Variants in MSI2 observed in about 807,000 individuals in gnomAD.
MSI2 encodes musashi RNA binding protein 2.
Under a neutral mutation model 45.6 loss-of-function variants are expected in MSI2, and 17 were observed. That is an observed-to-expected ratio of 0.37 (90% confidence interval 0.26 to 0.56). The LOEUF is 0.56. MSI2 is among the 20% of genes least tolerant of loss of function. The pLI is 0.77. For synonymous variants in MSI2, 156 were observed against 158.2 expected, an observed-to-expected ratio of 0.99 and a Z score of 0.11; for missense variants, 293 against 444.2, an observed-to-expected ratio of 0.66 and a Z score of 3.06.
chr17:57,408,848 T>C (rs2084134603), intron 6 of MSI2, among the ~76,000 whole-genome samples: 1 of 152,200 alleles, frequency 6.6e-6, no homozygotes, highest in African/African-American at 2.4e-5. Context: ...TCGAACTCTG[T>C]TGTTCGGTGG....
chr17:57,384,114 T>C (rs1346960736), intron 5 of MSI2, among the ~76,000 whole-genome samples: 1 of 152,216 alleles, frequency 6.6e-6, no homozygotes, highest in Admixed American at 6.5e-5. Flanking sequence ...TTCTGTGTTA[T>C]AGTTATTGTT....
At chr17:57,414,446 G>A (rs1159763478) in intron 6 of MSI2, among the ~76,000 whole-genome samples, 1 of 151,858 alleles carries the variant, frequency 6.6e-6, no homozygotes, top group Non-Finnish European at 1.5e-5. Context: ...CTGGAGTGCA[G>A]TGGTGCAATC....
At chr17:57,353,280 G>A (rs1474219703) in intron 5 of MSI2, among the ~76,000 whole-genome samples, 1 of 152,174 alleles carries the variant, frequency 6.6e-6, no homozygotes, top group Non-Finnish European at 1.5e-5. Context: ...TGTACCCACT[G>A]CTCCTGTTTA....
chr17:57,302,866 G>A (rs1431105863), intron 5 of MSI2, among the ~76,000 whole-genome samples: 1 of 152,236 alleles, frequency 6.6e-6, no homozygotes, highest in African/African-American at 2.4e-5. Context: ...CAGATCGTGG[G>A]CAAGGGAGTG....
chr17:57,675,456 T>C (rs4793891), intron 12 of MSI2, among the ~76,000 whole-genome samples: 36,631 of 152,110 alleles, frequency 0.24, 4,570 homozygotes, highest in East Asian at 0.46. Context: ...ATCTCTATGC[T>C]TTCCTCAAAA....
chr17:57,653,590 G>A (rs1037329107), intron 11 of MSI2, among the ~76,000 whole-genome samples: 5 of 152,136 alleles, frequency 3.3e-5, no homozygotes, highest in Non-Finnish European at 4.4e-5. Flanking sequence ...ACAAGCCTTG[G>A]CCCTACCTGT....
intron 5 of MSI2, among the ~76,000 whole-genome samples, chr17:57,345,539 A>T (rs1288949663): frequency 6.6e-6 from 1 of 152,210 alleles, no homozygotes; most frequent in Non-Finnish European, 1.5e-5. Flanking sequence ...TTAAAAATTA[A>T]CTAAAGTCCA....
intron 7 of MSI2, among the ~76,000 whole-genome samples, chr17:57,555,255 T>C (rs922830837): frequency 6.6e-6 from 1 of 152,198 alleles, no homozygotes; most frequent in African/African-American, 2.4e-5. Context: ...CGCCATGCTC[T>C]GTTTCAGACA....
chr17:57,370,253 G>A (rs961850696), intron 5 of MSI2, among the ~76,000 whole-genome samples: 7 of 152,184 alleles, frequency 4.6e-5, no homozygotes, highest in Middle Eastern at 3.2e-3. Context: ...TGCTGTTTGC[G>A]TTTTTAATCG....
At chr17:57,341,313 T>G (rs1194975167) in intron 5 of MSI2, among the ~76,000 whole-genome samples, 1 of 152,192 alleles carries the variant, frequency 6.6e-6, no homozygotes, top group Non-Finnish European at 1.5e-5. Flanking sequence ...AGAACTGGGA[T>G]GTGCCCTTCT....
chr17:57,367,067 G>C (rs1283320432), intron 5 of MSI2, among the ~76,000 whole-genome samples: 3 of 152,208 alleles, frequency 2.0e-5, no homozygotes, highest in African/African-American at 4.8e-5. Context: ...TTCCAAGCTC[G>C]AAAGTGTATA....
chr17:57,480,659 A>G (rs930578920), intron 6 of MSI2, among the ~76,000 whole-genome samples: 1 of 152,218 alleles, frequency 6.6e-6, no homozygotes, highest in Non-Finnish European at 1.5e-5. Context: ...GAGACGAGGC[A>G]CTATAAATAG....
At chr17:57,256,916 G>T (rs1447688322) in intron 1 of MSI2, 112 bp downstream of exon 1, 9 of 530,534 alleles carry the variant, frequency 1.7e-5, no homozygotes, top group Non-Finnish European at 2.4e-5. Context: ...CCTCTCCCGC[G>T]CGCCCCCCCC....
chr17:57,299,416 T>C (rs1407341916), intron 5 of MSI2, among the ~76,000 whole-genome samples: 2 of 152,202 alleles, frequency 1.3e-5, no homozygotes, highest in Non-Finnish European at 2.9e-5. Context: ...AGCTTTTGAT[T>C]TAAAGTGAGA....
chr17:57,517,766 G>A (rs79091654), intron 6 of MSI2, among the ~76,000 whole-genome samples: 4,169 of 152,232 alleles, frequency 0.027, 193 homozygotes, highest in African/African-American at 0.093. Flanking sequence ...CAGCTACTCC[G>A]TGACCTCTGG....
chr17:57,699,694 A>G, the MSI2 span, among the ~76,000 whole-genome samples: 1 of 152,212 alleles, frequency 6.6e-6, no homozygotes, highest in African/African-American at 2.4e-5. Context: ...GTCAAAAGCA[A>G]TAGTCCAAAT....
chr17:57,528,650 CCT>C (rs2086755185), intron 6 of MSI2, among the ~76,000 whole-genome samples: 1 of 152,134 alleles, frequency 6.6e-6, no homozygotes, highest in Non-Finnish European at 1.5e-5. Flanking sequence ...TCTTCTGAGG[CCT>C]CTCTCCTTGG....
the MSI2 span, among the ~76,000 whole-genome samples, chr17:57,695,166 G>A: frequency 6.6e-6 from 1 of 152,188 alleles, no homozygotes; most frequent in African/African-American, 2.4e-5. Context: ...CACACAGCTA[G>A]TTAATAGTGT....
chr17:57,422,674 C>T (rs552568124), intron 6 of MSI2, among the ~76,000 whole-genome samples: 6 of 152,320 alleles, frequency 3.9e-5, no homozygotes, highest in Middle Eastern at 3.4e-3. Context: ...TAACCCTGCT[C>T]GTGGTCTGCT....
Sources: allele counts gnomAD v4.1 joint callset (sites outside exome capture counted in the v4.1 genomes callset), GRCh38; gene constraint gnomAD v4.1.1; transcripts MANE v1.5; gene names NCBI Gene and HGNC (gene_info 2026-07-23, HGNC 2026-07-21).